Variants in DENND1B observed in about 807,000 individuals in gnomAD.
DENND1B encodes DENN domain-containing protein 1B.
DENND1B carries 59 observed loss-of-function variants against 90.1 expected under a neutral mutation model. That is an observed-to-expected ratio of 0.65 (90% CI 0.53 to 0.81). The LOEUF is 0.81. Among genes scored for constraint, DENND1B ranks in the 40% least tolerant of loss-of-function variants. The pLI, the probability that DENND1B is intolerant of heterozygous loss-of-function variation, is 0.00. For synonymous variants in DENND1B, 337 were observed against 324.6 expected, an observed-to-expected ratio of 1.04 and a Z score of -0.41; for missense variants, 862 against 912.6, an observed-to-expected ratio of 0.94 and a Z score of 0.71.
chr1:197,611,997 T>G, intron 11 of DENND1B, 21 bp from the exon 12 acceptor site: 2 of 1,576,526 alleles, frequency 1.3e-6, no homozygotes, highest in Non-Finnish European at 1.7e-6. Context: ...AATATATATA[T>G]GCATAGATTC....
chr1:197,525,075 C>T (rs1460109527), intron 20 of DENND1B, among the ~76,000 whole-genome samples: 1 of 152,114 alleles, frequency 6.6e-6, no homozygotes, highest in African/African-American at 2.4e-5. Flanking sequence ...CTGTCTCTCA[C>T]TGAAGTGTGT....
At position 197,642,783 on chromosome 1, in the gene DENND1B, G is replaced by C; in HGVS notation, c.600C>G (p.Asn200Lys). 2 of 1,613,402 alleles carry C rather than the reference G, an allele frequency of 1.2e-6. No homozygotes were observed. Among genetic ancestry groups the C allele is most frequent in the East Asian group, 2.2e-5 (1 of 44,864 alleles). ...LTEYFVAVDV[N>K]NMLQLYASML... Reference sequence around the variant, plus strand: ...TACTGGCATACAGCTGCAGCATGTTGTTCACATCCACGGCAACAAAATATT... The same window carrying C: ...TACTGGCATACAGCTGCAGCATGTTCTTCACATCCACGGCAACAAAATATT... The change falls in exon 10 of 23, where the codon AAC becomes AAG. Residue 200 changes from asparagine (N) to lysine (K), a missense_variant. Physicochemically the swap from Asn to Lys is moderately conservative, Grantham distance 94 (BLOSUM62 0). Coordinates refer to ENST00000620048, the MANE Select transcript of DENND1B (RefSeq NM_001195215.2).
chr1:197,665,532 T>C (rs1160557680), intron 5 of DENND1B, among the ~76,000 whole-genome samples: 2 of 152,142 alleles, frequency 1.3e-5, no homozygotes, highest in Non-Finnish European at 2.9e-5. Context: ...AATTGCCACA[T>C]AGTATCATTA....
chr1:197,777,003 T>C (rs1402189622), upstream of DENND1B, among the ~76,000 whole-genome samples: 3 of 152,166 alleles, frequency 2.0e-5, no homozygotes, highest in African/African-American at 7.2e-5. Flanking sequence ...AATTATTCTG[T>C]GAATTTCAGT....
chr1:197,530,092 C>T (rs532369599), intron 20 of DENND1B, among the ~76,000 whole-genome samples: 3 of 152,158 alleles, frequency 2.0e-5, no homozygotes, highest in Non-Finnish European at 2.9e-5. Flanking sequence ...AACAGCCATA[C>T]TAATTAGCAG....
rs781351373 is a variant in DENND1B, at chr1:197,553,013, T to A, written c.1240+9A>T. ...GAAAATGGATAATCATATTGTAACTTGTCTTTACCTCCACAAAAGCCACCT... is the reference window on the plus strand; with the variant it reads ...GAAAATGGATAATCATATTGTAACTAGTCTTTACCTCCACAAAAGCCACCT... On this transcript the variant is annotated intron_variant, in intron 16 of 22. Coordinates refer to ENST00000620048, the MANE Select transcript of DENND1B (RefSeq NM_001195215.2). The A allele has an allele frequency of 6.4e-7, 1 of 1,572,712 alleles. No homozygotes were observed. Among genetic ancestry groups the A allele is most frequent in the South Asian group, 1.2e-5 (1 of 82,360 alleles).
rs79548333 is a variant in DENND1B, at chr1:197,565,343, A to T, written c.1150-12231T>A. On this transcript the variant is annotated intron_variant, in intron 15 of 22. Transcript: ENST00000620048. The stretch of plus-strand genomic sequence containing the variant: ...GTAGATCACAGCACAAAACAGAGCA[A>T]GTGCTCAGGATCTCATAGAATTTCC... 5.9e-3 allele frequency among the ~76,000 whole-genome samples: 900 copies of T among 152,166 alleles called. 13 individuals are homozygous for T. The highest frequency in any genetic ancestry group is 0.02 in the African/African-American group (842 of 41,548).
At chr1:197,735,670 A>G (rs1421559383) in intron 2 of DENND1B, 2 of 1,614,060 alleles carry the variant, frequency 1.2e-6, no homozygotes, top group African/African-American at 1.3e-5. Flanking sequence ...AGCCGGTACA[A>G]GGTCTACCCC....
intron 2 of DENND1B, among the ~76,000 whole-genome samples, chr1:197,731,163 A>G (rs1662111576): frequency 6.6e-6 from 1 of 152,144 alleles, no homozygotes; most frequent in Admixed American, 6.5e-5. Flanking sequence ...AAAATGAGAC[A>G]TCCAAAAGGA....
chr1:197,737,111 A>G (rs1662769636), intron 2 of DENND1B, among the ~76,000 whole-genome samples: 1 of 152,116 alleles, frequency 6.6e-6, no homozygotes, highest in South Asian at 2.1e-4. Context: ...AGTTCTTCCA[A>G]TTGCACACAT....
Position 197,636,975 on chromosome 1 carries a change from C to A in DENND1B, c.672+5736G>T, listed in dbSNP as rs945960757. Among the ~76,000 whole-genome samples, 6 of 151,542 alleles carry A rather than the reference C, an allele frequency of 4.0e-5. No homozygotes were observed. In the South Asian group the frequency reaches 1.2e-3, roughly 32 times the overall value. On this transcript the variant is annotated intron_variant, in intron 10 of 22. Coordinates refer to ENST00000620048, the MANE Select transcript of DENND1B (RefSeq NM_001195215.2). Reference sequence around the variant, plus strand: ...GGGATGTCAACAATGAGCTAAACTGCACTATAAGAAAGCTCACTGGAAGAG... The same window carrying A: ...GGGATGTCAACAATGAGCTAAACTGAACTATAAGAAAGCTCACTGGAAGAG...
intron 10 of DENND1B, among the ~76,000 whole-genome samples, chr1:197,620,430 A>G (rs1409219128): frequency 6.6e-6 from 1 of 151,300 alleles, no homozygotes; most frequent in Non-Finnish European, 1.5e-5. Context: ...TCTTTAAAAT[A>G]AGAACTCTAT....
chr1:197,536,996 G>C (rs1431003850), intron 20 of DENND1B, among the ~76,000 whole-genome samples: 1 of 150,064 alleles, frequency 6.7e-6, no homozygotes, highest in African/African-American at 2.5e-5. Context: ...AGCCGAGATC[G>C]CACCACTGCA....
chr1:197,751,977 G>GAGA (rs151250989), intron 2 of DENND1B, among the ~76,000 whole-genome samples: 10,666 of 138,826 alleles, frequency 0.077, 508 homozygotes, highest in Non-Finnish European at 0.1. Context: ...GGAGGAGAAG[G>GAGA]AGAAGAAGAA....
intron 13 of DENND1B, among the ~76,000 whole-genome samples, chr1:197,598,402 T>C (rs938334045): frequency 4.0e-5 from 6 of 151,836 alleles, no homozygotes; most frequent in African/African-American, 9.7e-5. Flanking sequence ...TATAAAATCA[T>C]TGCATCAACC....
intron 15 of DENND1B, 94 bp from the exon 16 acceptor site, chr1:197,553,206 C>T (rs1280430294): frequency 2.1e-6 from 2 of 947,124 alleles, no homozygotes; most frequent in Non-Finnish European, 3.0e-6. Context: ...TTTTTACTTA[C>T]ATCAAAAACA....
intron 10 of DENND1B, among the ~76,000 whole-genome samples, chr1:197,625,398 CA>C (rs1678590217): frequency 6.6e-6 from 1 of 152,138 alleles, no homozygotes. Context: ...CCCAGAATTT[CA>C]TATCCAGCCA....
intron 2 of DENND1B, among the ~76,000 whole-genome samples, chr1:197,760,278 T>G (rs545236708): frequency 6.6e-5 from 10 of 152,254 alleles, no homozygotes; most frequent in African/African-American, 2.4e-4. Context: ...ATGAATGCCA[T>G]CTCCTCTCTT....
At chr1:197,697,063 A>G (rs1213125726) in intron 3 of DENND1B, among the ~76,000 whole-genome samples, 1 of 150,888 alleles carries the variant, frequency 6.6e-6, no homozygotes, top group Non-Finnish European at 1.5e-5. Flanking sequence ...ACAGAATGGA[A>G]AAGTAAAAAC....
Sources: gnomAD v4.1 joint callset for allele counts (sites outside exome capture counted in the v4.1 genomes callset) on GRCh38, gnomAD v4.1.1 for gene constraint, MANE v1.5 for transcripts, NCBI Gene and HGNC (gene_info 2026-07-23, HGNC 2026-07-21) for gene names.